CAMTA1: variants seen among roughly 807,000 people sequenced by gnomAD.
CAMTA1 encodes the protein calmodulin binding transcription activator 1.
Under a neutral mutation model 170.9 loss-of-function variants are expected in CAMTA1, and 27 were observed. The observed-to-expected ratio is 0.16, with a 90% confidence interval of 0.12 to 0.22. CAMTA1 has a LOEUF of 0.22. Ranked by LOEUF, CAMTA1 falls within the 10% of genes least tolerant of loss-of-function variation. CAMTA1 has a pLI of 1.00. For missense variants in CAMTA1, 1,619 were observed against 2,217.2 expected (o/e 0.73, Z 5.42); for synonymous variants, 833 against 891.5 (o/e 0.93, Z 1.17).
chr1:6,887,837 A>T lies in CAMTA1; in HGVS notation c.234+62627A>T. The T allele has an allele frequency of 6.8e-7, 1 of 1,462,696 alleles. No individual in the cohort carries two copies. The allele number at this position is 1,462,696 out of a possible 1,614,324, so 90.6% of individuals were successfully genotyped here. A position where few individuals can be genotyped will look rare whatever the true frequency, so the allele number is the denominator to read the frequency against. Reference sequence around the variant, plus strand: ...GTGAATTAACTGTTCTCAAAACCCCAAATTAATTTGAACCGAATGTTACTA... The same window carrying T: ...GTGAATTAACTGTTCTCAAAACCCCTAATTAATTTGAACCGAATGTTACTA... On this transcript the variant is annotated intron_variant, in intron 3 of 22. Transcript: ENST00000303635. The surrounding 1 kb of genome is among the most constrained non-coding windows in gnomAD (Gnocchi z 4.1).
chr1:7,668,436 C>CCA (rs1263055850), intron 9 of CAMTA1, among the ~76,000 whole-genome samples: 22 of 135,580 alleles, frequency 1.6e-4, no homozygotes, highest in African/African-American at 6.1e-4. Context: ...CACACACCCA[C>CCA]CACACACCCC....
intron 3 of CAMTA1, among the ~76,000 whole-genome samples, chr1:6,875,000 A>G (rs17029985): frequency 0.079 from 12,094 of 152,200 alleles, 713 homozygotes; most frequent in East Asian, 0.25. Context: ...TATTCATCCC[A>G]GGGCTTTCCA....
rs111957411 is a variant in CAMTA1 at position 7,118,456 on chromosome 1, C to T, written c.302+27085C>T. On this transcript the variant is annotated intron_variant, in intron 4 of 22. Transcript: ENST00000303635. ...CACAGGAGTACATCACCATGCCTGG[C>T]TAATTAAAAAAAAAATTTTTTTTTG... Among the ~76,000 whole-genome samples the T allele has an allele frequency of 2.2e-3, 330 of 151,388 alleles. 4 individuals carry two copies. In the South Asian group the frequency reaches 0.027, roughly 12 times the overall value.
chr1:7,705,085 G>T (rs1424836535), intron 11 of CAMTA1, among the ~76,000 whole-genome samples: 4 of 151,270 alleles, frequency 2.6e-5, no homozygotes, highest in African/African-American at 9.7e-5. Context: ...GGCGTGCGCG[G>T]ACCGGGCGTG....
At chr1:6,940,514 A>C (rs78767969) in intron 3 of CAMTA1, among the ~76,000 whole-genome samples, 1,798 of 152,320 alleles carry the variant, frequency 0.012, 23 homozygotes, top group South Asian at 0.037. Flanking sequence ...CATACCTGGA[A>C]ATAATGTTTG....
intron 6 of CAMTA1, among the ~76,000 whole-genome samples, chr1:7,637,769 TAG>T (rs1219705775): frequency 6.6e-6 from 1 of 152,128 alleles, no homozygotes; most frequent in Non-Finnish European, 1.5e-5. Flanking sequence ...CACCTCTCTA[TAG>T]ACAGAGGGCA....
At chr1:7,356,539 G>T (rs902458590) in intron 5 of CAMTA1, among the ~76,000 whole-genome samples, 3 of 152,138 alleles carry the variant, frequency 2.0e-5, no homozygotes, top group Admixed American at 1.3e-4. Context: ...GGGAAATTTG[G>T]AAGTGTGCAT....
chr1:6,871,615 G>A (rs2148991631), intron 3 of CAMTA1: 2 of 589,264 alleles, frequency 3.4e-6, no homozygotes, highest in South Asian at 2.7e-5. Flanking sequence ...GGTAATGAAA[G>A]TGTGGTTTTG....
chr1:7,378,585 T>G (rs2087024185), intron 5 of CAMTA1, among the ~76,000 whole-genome samples: 1 of 150,444 alleles, frequency 6.6e-6, no homozygotes, highest in African/African-American at 2.5e-5. Flanking sequence ...GGTGGTTGCC[T>G]GGGGCCGGGG....
intron 3 of CAMTA1, among the ~76,000 whole-genome samples, chr1:6,950,104 G>A (rs11120793): frequency 0.52 from 79,695 of 152,082 alleles, 21,682 homozygotes; most frequent in Non-Finnish European, 0.61. Context: ...GCCTCTGGCC[G>A]TTGCCTCACG....
At chr1:6,828,439 G>A (rs1284554427) in intron 3 of CAMTA1, among the ~76,000 whole-genome samples, 2 of 151,704 alleles carry the variant, frequency 1.3e-5, no homozygotes, top group Admixed American at 6.6e-5. Flanking sequence ...CTACAGGTGC[G>A]TGCCACCATG....
At chr1:7,618,985 CA>C (rs1558011357) in intron 6 of CAMTA1, among the ~76,000 whole-genome samples, 3 of 151,990 alleles carry the variant, frequency 2.0e-5, no homozygotes, top group East Asian at 3.9e-4. Context: ...CACATTTGAC[CA>C]AAAAATTTGC....
chr1:7,222,777 G>T (rs1661026745), intron 4 of CAMTA1, among the ~76,000 whole-genome samples: 1 of 152,246 alleles, frequency 6.6e-6, no homozygotes, highest in South Asian at 2.1e-4. Flanking sequence ...CATGGAGAGA[G>T]CTTGGGTCAG....
At chr1:7,320,496 T>C (rs1214537085) in intron 5 of CAMTA1, among the ~76,000 whole-genome samples, 1 of 152,120 alleles carries the variant, frequency 6.6e-6, no homozygotes, top group Admixed American at 6.5e-5. Flanking sequence ...CAGTTGAACT[T>C]ACCATAGTCG....
At chr1:7,370,452 G>C (rs2086355963) in intron 5 of CAMTA1, among the ~76,000 whole-genome samples, 1 of 152,168 alleles carries the variant, frequency 6.6e-6, no homozygotes, top group Admixed American at 6.5e-5. Context: ...TTGAACCCAA[G>C]GGTTTTAAAA....
At chr1:7,308,055 G>A (rs1187720644) in intron 5 of CAMTA1, among the ~76,000 whole-genome samples, 1 of 148,196 alleles carries the variant, frequency 6.7e-6, no homozygotes, top group Non-Finnish European at 1.5e-5. Flanking sequence ...TTCCAGGGTT[G>A]TTGTTGTTTT....
At chr1:6,975,358 C>G (rs1693230640) in intron 3 of CAMTA1, among the ~76,000 whole-genome samples, 1 of 152,158 alleles carries the variant, frequency 6.6e-6, no homozygotes, top group Non-Finnish European at 1.5e-5. Flanking sequence ...TGCAAATTGT[C>G]CTGTGGCTTG....
intron 6 of CAMTA1, among the ~76,000 whole-genome samples, chr1:7,571,274 T>G (rs980319182): frequency 2.0e-5 from 3 of 152,162 alleles, no homozygotes; most frequent in Non-Finnish European, 4.4e-5. Context: ...GCAAGGGATA[T>G]CTCTCAGGCC....
chr1:7,756,144 CT>C (rs1266727776), intron 22 of CAMTA1, among the ~76,000 whole-genome samples: 1 of 151,052 alleles, frequency 6.6e-6, no homozygotes, highest in African/African-American at 2.4e-5. Context: ...TTTAATGAAT[CT>C]ATTTCTTACT....
Sources: gnomAD v4.1 joint callset for allele counts (sites outside exome capture counted in the v4.1 genomes callset) on GRCh38, gnomAD v4.1.1 for gene constraint, Gnocchi (gnomAD v3.1) non-coding constraint, MANE v1.5 for transcripts, NCBI Gene and HGNC (gene_info 2026-07-23, HGNC 2026-07-21) for gene names.